Variants in ARL16 observed in about 807,000 individuals in gnomAD.
ARL16 encodes the protein ADP-ribosylation factor-like protein 16.
Under a neutral mutation model 14.1 loss-of-function variants are expected in ARL16, and 21 were observed. The ratio of observed to expected loss-of-function variants is 1.48; its 90% confidence interval spans 1.05 to 2.14. The LOEUF (loss-of-function observed/expected upper bound fraction) is 2.14. Ranked by LOEUF, ARL16 falls within the 30% of genes most tolerant of loss-of-function variation. The pLI is 0.00. For missense variants in ARL16, 248 were observed against 222.0 expected (o/e 1.12, Z -0.74); for synonymous variants, 122 against 91.8 (o/e 1.33, Z -1.88).
chr17:81,682,052 A>G lies in ARL16; in HGVS notation c.332T>C (p.Leu111Pro). The G allele has an allele frequency of 6.2e-7, 1 of 1,612,036 alleles. No homozygotes were observed. Among genetic ancestry groups the G allele is most frequent in the Non-Finnish European group, 8.5e-7 (1 of 1,179,224 alleles). ...CGCGTACATTTTATTGAAGAGTATC[A>G]GCACCGATGCTTCTGCAAGTTGTTC... ...SAEQLAEASV[L>P]ILFNKIDLPC... Residue 111 changes from leucine (L) to proline (P), a missense_variant, in exon 4 of 5, where the codon CTG becomes CCG. Coordinates refer to ENST00000622299, the MANE Select transcript of ARL16 (RefSeq NM_001040025.3).
chr17:81,681,990 G>A (rs2036854619), intron 4 of ARL16, 44 bp downstream of exon 4: 2 of 1,570,170 alleles, frequency 1.3e-6, no homozygotes, highest in Non-Finnish European at 1.7e-6. Flanking sequence ...ACCCGAGGGA[G>A]CCCCCGCCCC....
rs775833125 is a variant in ARL16, at chr17:81,683,773, G to C, written c.-20C>G. 9 of 1,606,592 alleles carry C rather than the reference G, an allele frequency of 5.6e-6. No individual in the cohort carries two copies. The highest frequency in any genetic ancestry group is 7.6e-6 in the Non-Finnish European group (9 of 1,179,434). On this transcript the variant is annotated 5_prime_UTR_variant, in exon 1 of 5. Coordinates refer to ENST00000622299, the MANE Select transcript of ARL16 (RefSeq NM_001040025.3). ...ACACATTCCGTGCTTCGCTCCACCC[G>C]GCACCCGTAGCTCGGCGCCGCGGCT...
rs1327654686 is a variant in ARL16 at position 81,683,072 on chromosome 17, G to A, written c.175C>T (p.Leu59Phe). Residue 59 changes from leucine (L) to phenylalanine (F), a missense_variant, in exon 3 of 5, where the codon CTT becomes TTT. Physicochemically the swap from Leu to Phe is conservative, Grantham distance 22. Coordinates refer to ENST00000622299, the MANE Select transcript of ARL16 (RefSeq NM_001040025.3). ...CAGATGGGGCCCATGCACCCCCCAAGCTCCCGGATGGTGATCTTTCTCTGT... is the reference window on the plus strand; with the variant it reads ...CAGATGGGGCCCATGCACCCCCCAAACTCCCGGATGGTGATCTTTCTCTGT... ...VAQRKITIRELGGCMGPIWSS... is the reference protein window; with the variant it reads ...VAQRKITIREFGGCMGPIWSS... 2 of 1,613,250 alleles carry A rather than the reference G, an allele frequency of 1.2e-6. No individual in the cohort carries two copies. Among genetic ancestry groups the A allele is most frequent in the Non-Finnish European group, 1.7e-6 (2 of 1,179,704 alleles).
chr17:81,682,655 A>G lies in ARL16; in HGVS notation c.234+358T>C, dbSNP rs114983123. On this transcript the variant is annotated intron_variant, in intron 3 of 4. Coordinates refer to ENST00000622299, the MANE Select transcript of ARL16 (RefSeq NM_001040025.3). The stretch of plus-strand genomic sequence containing the variant: ...CCTCATGTGGCCATCAGTTCTCCAT[A>G]CTGGTATCCGCGGCACAGGCCTTAT... 5.5e-4 allele frequency: 146 copies of G among 264,370 alleles called. 1 individual carries two copies. The highest frequency in any genetic ancestry group is 3.1e-3 in the African/African-American group (138 of 44,324). 16.4% of individuals were successfully genotyped at this position (264,370 alleles called of 1,614,324 possible).
rs1183879258 is a variant in ARL16, at chr17:81,681,516, T to C, written c.*192A>G. ...ATGCCTAGCCCCTGGGGACACTTTT[T>C]TCAGAGGCCAGATGTCAACTTCCAT... On this transcript the variant is annotated 3_prime_UTR_variant, in exon 5 of 5. Coordinates refer to ENST00000622299, the MANE Select transcript of ARL16 (RefSeq NM_001040025.3). The C allele has an allele frequency of 1.4e-6, 1 of 715,288 alleles. No individual in the cohort carries two copies. The highest frequency in any genetic ancestry group is 2.2e-6 in the Non-Finnish European group (1 of 461,054). The allele number at this position is 715,288 out of a possible 1,614,324, so 44.3% of individuals were successfully genotyped here.
rs1308528901 is a variant in ARL16, at chr17:81,681,429, G to A, written c.*279C>T. 9.6e-6 allele frequency: 3 copies of A among 311,824 alleles called. No individual in the cohort carries two copies. The highest frequency in any genetic ancestry group is 7.5e-5 in the East Asian group (1 of 13,390). The allele number at this position is 311,824 out of a possible 1,614,324, so 19.3% of individuals were successfully genotyped here. A position where few individuals can be genotyped will look rare whatever the true frequency, so the allele number is the denominator to read the frequency against. ...TTGGTCAGGCTAGTCTCGAACTCCC[G>A]ACCTCAGGTGATACACCCGCCTCGG... On this transcript the variant is annotated 3_prime_UTR_variant, in exon 5 of 5. Coordinates refer to ENST00000622299, the MANE Select transcript of ARL16 (RefSeq NM_001040025.3).
chr17:81,682,571 C>A, intron 3 of ARL16: 1 of 187,432 alleles, frequency 5.3e-6, no homozygotes, highest in Non-Finnish European at 1.1e-5. Context: ...GCTTTGGGAA[C>A]AAGCAGAAGC....
chr17:81,683,694 C>G lies in ARL16; in HGVS notation c.60G>C (p.Gln20His). 1 of 1,604,498 alleles carries G rather than the reference C, an allele frequency of 6.2e-7. No homozygotes were observed. Among genetic ancestry groups the G allele is most frequent in the Non-Finnish European group, 8.5e-7 (1 of 1,176,660 alleles). Residue 20 changes from glutamine to histidine, a missense_variant and splice_region_variant, in exon 1 of 5, where the codon CAG (glutamine) becomes CAC (histidine). Transcript: ENST00000622299. Reference protein sequence around the residue: ...VGKTLLVKRLQEVSSRDGKGD... With the variant: ...VGKTLLVKRLHEVSSRDGKGD... ...TCCCGTCCCCGCGCGGAAGGATATCCTGCAGCCGTTTCACCAGCAGCGTCT... is the reference window on the plus strand; with the variant it reads ...TCCCGTCCCCGCGCGGAAGGATATCGTGCAGCCGTTTCACCAGCAGCGTCT...
chr17:81,683,411 C>G, intron 2 of ARL16, 125 bp downstream of exon 2: 1 of 1,289,322 alleles, frequency 7.8e-7, no homozygotes, highest in Non-Finnish European at 1.0e-6. Context: ...CCCCCGCTCC[C>G]GAAGGCTGGC....
At position 81,682,121 on chromosome 17, in the gene ARL16, T is replaced by A. The variant is rs1318227665; in HGVS notation, c.263A>T (p.Gln88Leu). The change falls in exon 4 of 5, where the codon CAG becomes CTG. Residue 88 changes from glutamine to leucine, a missense_variant. Physicochemically the swap from Gln to Leu is moderately radical, Grantham distance 113. Coordinates refer to ENST00000622299, the MANE Select transcript of ARL16 (RefSeq NM_001040025.3). ...GAGCTGCACACAGGATGCAGAGAGC[T>A]GGGTGGGGTCAGAGGCGTCCATCAC... ...LFVMDASDPT[Q>L]LSASCVQLLG... The A allele has an allele frequency of 6.2e-7, 1 of 1,612,246 alleles. No homozygotes were observed. The highest frequency in any genetic ancestry group is 1.3e-5 in the African/African-American group (1 of 74,918).
intron 3 of ARL16, 71 bp from the exon 4 acceptor site, chr17:81,682,220 G>A: frequency 8.5e-7 from 1 of 1,172,506 alleles, no homozygotes. Flanking sequence ...CACAGACCTG[G>A]CACTGGGAGA....
chr17:81,682,256 A>G, intron 3 of ARL16, 107 bp from the exon 4 acceptor site: 1 of 793,500 alleles, frequency 1.3e-6, no homozygotes, highest in Non-Finnish European at 1.9e-6. Context: ...TTAATTAATT[A>G]ATTTATTTTT....
chr17:81,682,255 T>A, intron 3 of ARL16, 106 bp from the exon 4 acceptor site: 1 of 786,960 alleles, frequency 1.3e-6, no homozygotes, highest in Non-Finnish European at 2.0e-6. Context: ...TTTAATTAAT[T>A]AATTTATTTT....
chr17:81,682,206 G>T, intron 3 of ARL16, 57 bp from the exon 4 acceptor site: 1 of 1,347,412 alleles, frequency 7.4e-7, no homozygotes, highest in Non-Finnish European at 1.0e-6. Flanking sequence ...CCTCCCCTGG[G>T]CCTCACAGAC....
chr17:81,681,942 C>T (rs1184293572), intron 4 of ARL16, 63 bp from the exon 5 acceptor site: 48 of 1,566,314 alleles, frequency 3.1e-5, no homozygotes, highest in African/African-American at 1.4e-5. Context: ...GGACCCCCAG[C>T]TGCACCACCT....
At chr17:81,682,889 C>G (rs775663383) in intron 3 of ARL16, 124 bp downstream of exon 3, 1 of 873,892 alleles carries the variant, frequency 1.1e-6, no homozygotes, top group Non-Finnish European at 1.8e-6. Context: ...AGACCTATTT[C>G]CATGAGTAGT....
intron 2 of ARL16, 103 bp from the exon 3 acceptor site, chr17:81,683,229 G>A (rs2036892219): frequency 5.4e-6 from 6 of 1,101,880 alleles, no homozygotes; most frequent in South Asian, 4.5e-5. Flanking sequence ...CCTGAACCCC[G>A]CAGACCCATT....
In ARL16 at chr17:81,681,613, A is replaced by T. The variant is rs2036845342; in HGVS notation, c.*95T>A. 11 of 1,390,628 alleles carry T rather than the reference A, an allele frequency of 7.9e-6. No homozygotes were observed. The Admixed American group carries it at 2.3e-4, about 29-fold the overall frequency. 86.1% of individuals were successfully genotyped at this position (1,390,628 alleles called of 1,614,324 possible). ...CCATCATGTAGGGTTACTTTGGGTT[A>T]TTCTGCCCCTGTGAGAAGAAACTAT... is the stretch of plus-strand genomic sequence containing the variant. On this transcript the variant is annotated 3_prime_UTR_variant, in exon 5 of 5. Coordinates refer to ENST00000622299, the MANE Select transcript of ARL16 (RefSeq NM_001040025.3).
intron 2 of ARL16, 81 bp from the exon 3 acceptor site, chr17:81,683,207 C>T (rs1187530638): frequency 1.7e-5 from 22 of 1,306,612 alleles, no homozygotes; most frequent in Non-Finnish European, 2.2e-5. Flanking sequence ...GTGCCCACAC[C>T]TTACACGGTG....
Sources: allele counts gnomAD v4.1 joint callset, GRCh38; gene constraint gnomAD v4.1.1; transcripts MANE v1.5; gene names NCBI Gene and HGNC (gene_info 2026-07-23, HGNC 2026-07-21).